Variants in TRIO observed in about 807,000 individuals in gnomAD.
The protein encoded by TRIO is trio Rho guanine nucleotide exchange factor.
A neutral mutation model predicts 351.9 loss-of-function variants in TRIO; 58 were observed. That is an observed-to-expected ratio of 0.16 (90% confidence interval 0.13 to 0.21). TRIO has a LOEUF of 0.21. TRIO is among the 10% of genes least tolerant of loss of function. TRIO has a pLI of 1.00. For synonymous variants in TRIO, 1,758 were observed against 1,595.7 expected (o/e 1.10, Z -2.42); for missense variants, 3,201 against 4,027.8 (o/e 0.79, Z 5.56).
chr5:14,278,036 A>C (rs1346244955), intron 2 of TRIO, among the ~76,000 whole-genome samples: 1 of 152,210 alleles, frequency 6.6e-6, no homozygotes, highest in East Asian at 1.9e-4. Flanking sequence ...GAAAAGTGAA[A>C]ATTTTTCCTC....
At chr5:14,448,792 A>G (rs1412919566) in intron 34 of TRIO, among the ~76,000 whole-genome samples, 2 of 152,064 alleles carry the variant, frequency 1.3e-5, no homozygotes, top group East Asian at 3.9e-4. Flanking sequence ...CAGCAAGGCT[A>G]TCTGCTTTTG....
rs144493619 is a variant in TRIO, at chr5:14,324,839, A to G, written c.1732-5939A>G. ...CTAGTGGCATCTGGACAGCCCCCCC[A>G]TAATCAAATGCATGGCTATTTCTAT... On this transcript the variant is annotated intron_variant, in intron 9 of 56. Coordinates refer to ENST00000344204, the MANE Select transcript of TRIO (RefSeq NM_007118.4). 5.6e-3 allele frequency among the ~76,000 whole-genome samples: 851 copies of G among 152,346 alleles called. 4 individuals are homozygous for G. The highest frequency in any genetic ancestry group is 0.017 in the South Asian group (83 of 4,828).
intron 1 of TRIO, among the ~76,000 whole-genome samples, chr5:14,257,460 G>T (rs1554042749): frequency 6.6e-6 from 1 of 152,114 alleles, no homozygotes. Flanking sequence ...TGCTCACGTG[G>T]TTTTTTTGGC....
rs1459897267 is a variant in TRIO at position 14,504,601 on chromosome 5, C to T, written c.8612+8C>T. 1.2e-6 allele frequency: 2 copies of T among 1,613,346 alleles called. No homozygotes were observed. Among genetic ancestry groups the T allele is most frequent in the South Asian group, 1.1e-5 (1 of 91,070 alleles). ...CATCCTGGTCTTAGAAATGTGCGTA[C>T]ACACCTGGCCTTCCCTCTGCCCAGC... On this transcript the variant is annotated splice_region_variant and intron_variant, in intron 55 of 56. Coordinates refer to ENST00000344204, the MANE Select transcript of TRIO (RefSeq NM_007118.4).
chr5:14,478,971 A>G (rs1490812976), intron 41 of TRIO, among the ~76,000 whole-genome samples: 1 of 151,938 alleles, frequency 6.6e-6, no homozygotes, highest in Non-Finnish European at 1.5e-5. Context: ...TTTAAAAAAC[A>G]ACAACAAAAA....
At chr5:14,221,013 C>T (rs908854916) in intron 1 of TRIO, among the ~76,000 whole-genome samples, 7 of 152,174 alleles carry the variant, frequency 4.6e-5, no homozygotes, top group African/African-American at 9.7e-5. Context: ...AGAGGACAGG[C>T]GACTTTCTTG....
Position 14,411,857 on chromosome 5 carries a change from T to C in TRIO, c.4959+5185T>C, listed in dbSNP as rs181727504. Reference sequence around the variant, plus strand: ...CCTGACCTCAAGCAATCCTCCCACCTCAGCCTCTCAAAACGCTGGGATTAT... The same window carrying C: ...CCTGACCTCAAGCAATCCTCCCACCCCAGCCTCTCAAAACGCTGGGATTAT... On this transcript the variant is annotated intron_variant, in intron 33 of 56. Transcript: ENST00000344204. Among the ~76,000 whole-genome samples, 1,511 of 152,098 alleles carry C rather than the reference T, an allele frequency of 9.9e-3. 16 individuals are homozygous for C. Among genetic ancestry groups the C allele is most frequent in the Non-Finnish European group, 0.016 (1,068 of 67,986 alleles).
At chr5:14,425,079 ATG>A (rs748823868) in intron 34 of TRIO, among the ~76,000 whole-genome samples, 1 of 152,210 alleles carries the variant, frequency 6.6e-6, no homozygotes, top group Non-Finnish European at 1.5e-5. Context: ...ACATAACAAA[ATG>A]TATCATCTTA....
chr5:14,369,020 G>T, intron 17 of TRIO, 121 bp downstream of exon 17: 2 of 1,240,218 alleles, frequency 1.6e-6, no homozygotes, highest in Non-Finnish European at 2.2e-6. Context: ...TGCCAGTCAA[G>T]CAGGGAAAAG....
At chr5:14,257,414 T>G (rs972492596) in intron 1 of TRIO, among the ~76,000 whole-genome samples, 3 of 152,014 alleles carry the variant, frequency 2.0e-5, no homozygotes, top group Non-Finnish European at 2.9e-5. Flanking sequence ...GGGAGAGAGG[T>G]AGTTAGTAGT....
intron 1 of TRIO, among the ~76,000 whole-genome samples, chr5:14,247,260 A>G (rs768060041): frequency 9.9e-5 from 15 of 152,264 alleles, no homozygotes; most frequent in African/African-American, 2.9e-4. Flanking sequence ...CACTGTCACA[A>G]CTGGGTATTG....
chr5:14,343,240 C>T (rs188696305), intron 11 of TRIO, among the ~76,000 whole-genome samples: 39 of 152,248 alleles, frequency 2.6e-4, no homozygotes, highest in Admixed American at 9.2e-4. Flanking sequence ...ATTCACTTTC[C>T]GCGAGGTTTA....
chr5:14,272,652 C>T (rs1163407239), intron 2 of TRIO, among the ~76,000 whole-genome samples: 1 of 152,114 alleles, frequency 6.6e-6, no homozygotes, highest in Non-Finnish European at 1.5e-5. Context: ...TTAGTAGGAA[C>T]TGTTTAAGAT....
At position 14,428,882 on chromosome 5, in the gene TRIO, G is replaced by A. The variant is rs1242211810; in HGVS notation, c.5203+8861G>A. Among the ~76,000 whole-genome samples, 9 of 152,300 alleles carry A rather than the reference G, an allele frequency of 5.9e-5. No homozygotes were observed. In the South Asian group the frequency reaches 1.9e-3, roughly 32 times the overall value. The stretch of plus-strand genomic sequence containing the variant: ...AAAATGAGACGGGCCCTGAGGGGGT[G>A]ACTCATGGGCCAAGCAGGGCCACAC... On this transcript the variant is annotated intron_variant, in intron 34 of 56. Coordinates refer to ENST00000344204, the MANE Select transcript of TRIO (RefSeq NM_007118.4).
At chr5:14,473,591 C>T (rs1343644530) in intron 39 of TRIO, among the ~76,000 whole-genome samples, 1 of 152,032 alleles carries the variant, frequency 6.6e-6, no homozygotes, top group African/African-American at 2.4e-5. Context: ...CTTATTTAAC[C>T]GATTACACAA....
At chr5:14,450,119 G>C (rs1344315975) in intron 34 of TRIO, among the ~76,000 whole-genome samples, 3 of 152,098 alleles carry the variant, frequency 2.0e-5, no homozygotes, top group African/African-American at 7.2e-5. Flanking sequence ...GAGCCAGTGT[G>C]TACATGTGAC....
At chr5:14,426,112 T>G (rs1184716164) in intron 34 of TRIO, among the ~76,000 whole-genome samples, 1 of 152,228 alleles carries the variant, frequency 6.6e-6, no homozygotes, top group Admixed American at 6.5e-5. Context: ...ACCTAAAACA[T>G]AAATGTTACC....
At chr5:14,408,297 C>G (rs1186702652) in intron 33 of TRIO, among the ~76,000 whole-genome samples, 18 of 152,166 alleles carry the variant, frequency 1.2e-4, no homozygotes, top group Admixed American at 1.2e-3. Flanking sequence ...TGCAGTGATT[C>G]CATTTTCAAT....
chr5:14,290,128 TTAGGCAAGA>T lies in TRIO; in HGVS notation c.541-586_541-578del, dbSNP rs1736780146. ...TATTTGATGGGCAGTGGGGTTAGGC[TTAGGCAAGA>T]TGAATGATAGGGTGGTCTGGTTGGA... is the stretch of plus-strand genomic sequence containing the variant. On this transcript the variant is annotated intron_variant, in intron 4 of 56. Coordinates refer to ENST00000344204, the MANE Select transcript of TRIO (RefSeq NM_007118.4). 2.0e-5 allele frequency among the ~76,000 whole-genome samples: 3 copies of T among 152,318 alleles called. No individual in the cohort carries two copies. The East Asian group carries it at 5.8e-4, about 29-fold the overall frequency.
Sources: allele counts gnomAD v4.1 joint callset (sites outside exome capture counted in the v4.1 genomes callset), GRCh38; gene constraint gnomAD v4.1.1; transcripts MANE v1.5; gene names NCBI Gene and HGNC (gene_info 2026-07-23, HGNC 2026-07-21).